The following KIF13B variants were observed in gnomAD, a reference collection of about 807,000 sequenced individuals.
KIF13B encodes kinesin family member 13B, also known as kinesin-like protein KIF13B.
Under a neutral mutation model 222.0 loss-of-function variants are expected in KIF13B, and 127 were observed. The observed-to-expected ratio is 0.57, with a 90% CI of 0.50 to 0.66. The LOEUF is 0.66. Among genes scored for constraint, KIF13B ranks in the 30% least tolerant of loss-of-function variants. The pLI is 0.00. For synonymous variants in KIF13B, 976 were observed against 919.0 expected (o/e 1.06, Z -1.12); for missense variants, 2,173 against 2,379.0 (o/e 0.91, Z 1.80).
chr8:29,232,055 G>C (rs1815309099), intron 2 of KIF13B, among the ~76,000 whole-genome samples: 1 of 152,140 alleles, frequency 6.6e-6, no homozygotes, highest in Non-Finnish European at 1.5e-5. Flanking sequence ...AGGAGTGTGA[G>C]ACTAGCCTGG....
chr8:29,091,114 G>C (rs1808280690), intron 37 of KIF13B, among the ~76,000 whole-genome samples: 1 of 152,162 alleles, frequency 6.6e-6, no homozygotes, highest in Non-Finnish European at 1.5e-5. Flanking sequence ...TGAACAGACT[G>C]GAGTAAATGA....
chr8:29,168,597 G>A (rs1002866546), intron 10 of KIF13B, among the ~76,000 whole-genome samples: 7 of 152,292 alleles, frequency 4.6e-5, no homozygotes, highest in East Asian at 1.9e-4. Context: ...ACGGGCTGCC[G>A]TGAAGTGAGG....
chr8:29,255,585 G>T (rs571518947), intron 1 of KIF13B, among the ~76,000 whole-genome samples: 51 of 151,202 alleles, frequency 3.4e-4, no homozygotes, highest in African/African-American at 1.1e-3. Flanking sequence ...TTTAAAAAAA[G>T]GTACCTACCC....
In KIF13B at chr8:29,070,819, C is replaced by G; in HGVS notation, c.5219-53G>C. On this transcript the variant is annotated intron_variant, in intron 39 of 39. Coordinates refer to ENST00000524189, the MANE Select transcript of KIF13B (RefSeq NM_015254.4). This position sits in a 1 kb window ranked among gnomAD's most constrained non-coding sequence, Gnocchi z 4.1. The stretch of plus-strand genomic sequence containing the variant: ...AGGGCAGCCGAGCTGCAGACGGCCC[C>G]CTGCACCTCCCTTACCTCTGCAGAG... The G allele has an allele frequency of 6.5e-7, 1 of 1,549,880 alleles. No homozygotes were observed. The highest frequency in any genetic ancestry group is 8.7e-7 in the Non-Finnish European group (1 of 1,144,548).
chr8:29,167,737 G>T (rs1812068995), intron 10 of KIF13B, among the ~76,000 whole-genome samples, 152 bp from the exon 11 acceptor site: 1 of 152,226 alleles, frequency 6.6e-6, no homozygotes, highest in Non-Finnish European at 1.5e-5. Flanking sequence ...ATGGACTCGA[G>T]TCCTGTGCTG....
intron 35 of KIF13B, among the ~76,000 whole-genome samples, chr8:29,102,211 C>T (rs1808821431): frequency 6.6e-6 from 1 of 152,134 alleles, no homozygotes; most frequent in Non-Finnish European, 1.5e-5. Flanking sequence ...CTCAATAGCT[C>T]AGGTCTAAAC....
rs1445681991 is a variant in KIF13B, at chr8:29,108,165, G to A, written c.4189C>T (p.Pro1397Ser). 1 of 1,612,304 alleles carries A rather than the reference G, an allele frequency of 6.2e-7. No individual in the cohort carries two copies. The highest frequency in any genetic ancestry group is 1.1e-5 in the South Asian group (1 of 90,520). The change falls in exon 35 of 40, where the codon CCA (proline) becomes TCA (serine). Residue 1397 changes from proline (P) to serine (S), a missense_variant. Physicochemically the swap from Pro to Ser is moderately conservative, Grantham distance 74. Transcript: ENST00000524189. ...RLSGSRQDLI[P>S]SYSLGSNKGR... is the part of the protein sequence containing the mutation. ...TTGTTGCTGCCTAGACTGTATGATG[G>A]AATGAGATCTTGTCGGCTTCCAGAC... is the stretch of plus-strand genomic sequence containing the variant.
intron 35 of KIF13B, 52 bp from the exon 36 acceptor site, chr8:29,099,293 C>CAA: frequency 1.6e-6 from 2 of 1,245,564 alleles, no homozygotes; most frequent in Non-Finnish European, 2.3e-6. Flanking sequence ...ATTAACCAAA[C>CAA]AAAAAAAAAT....
chr8:29,176,299 C>T (rs565916013), intron 9 of KIF13B, 120 bp from the exon 10 acceptor site: 2 of 634,820 alleles, frequency 3.2e-6, no homozygotes, highest in South Asian at 1.9e-5. Flanking sequence ...ACCCTGTCAG[C>T]ATTTTGCCGC....
chr8:29,236,821 T>A (rs2130612743), intron 2 of KIF13B, among the ~76,000 whole-genome samples: 1 of 152,286 alleles, frequency 6.6e-6, no homozygotes, highest in South Asian at 2.1e-4. Context: ...AAATGTACAA[T>A]TCTCAAAATT....
intron 2 of KIF13B, among the ~76,000 whole-genome samples, chr8:29,207,020 C>G (rs1442879408): frequency 6.6e-6 from 1 of 152,148 alleles, no homozygotes; most frequent in African/African-American, 2.4e-5. Context: ...TAGCTGTGCT[C>G]TCACCCAAGC....
At chr8:29,145,624 C>A (rs1025024093) in intron 18 of KIF13B, among the ~76,000 whole-genome samples, 1 of 151,926 alleles carries the variant, frequency 6.6e-6, no homozygotes, top group Non-Finnish European at 1.5e-5. Context: ...GAGTAAGACT[C>A]CCTCTCAAAC....
intron 1 of KIF13B, among the ~76,000 whole-genome samples, chr8:29,255,553 A>AT (rs1239254540): frequency 6.6e-6 from 1 of 151,880 alleles, no homozygotes; most frequent in Non-Finnish European, 1.5e-5. Context: ...CAAGGTTCAA[A>AT]TATCTCCCCA....
intron 2 of KIF13B, among the ~76,000 whole-genome samples, chr8:29,224,768 G>C (rs75609241): frequency 6.6e-6 from 1 of 152,010 alleles, no homozygotes; most frequent in South Asian, 2.1e-4. Context: ...GTGTGTACGC[G>C]TAATTAGGAT....
intron 10 of KIF13B, among the ~76,000 whole-genome samples, chr8:29,168,996 T>C (rs1301835125): frequency 2.0e-5 from 3 of 152,204 alleles, no homozygotes; most frequent in Admixed American, 6.5e-5. Flanking sequence ...TGTCACTGAA[T>C]GACAGACTCT....
At chr8:29,159,848 T>G (rs1182348128) in intron 13 of KIF13B, among the ~76,000 whole-genome samples, 1 of 152,368 alleles carries the variant, frequency 6.6e-6, no homozygotes, top group Non-Finnish European at 1.5e-5. Context: ...ACAGAGTCAC[T>G]GACCCAGGAT....
rs1385655351 is a variant in KIF13B, at chr8:29,177,595, T to C, written c.721-17A>G. On this transcript the variant is annotated splice_polypyrimidine_tract_variant and intron_variant, in intron 8 of 39. Coordinates refer to ENST00000524189, the MANE Select transcript of KIF13B (RefSeq NM_015254.4). ...TCCAGATGTCTACAAAGGAAATCAA[T>C]CAATACTAATCAACAGGAACACAGG... The C allele has an allele frequency of 6.6e-7, 1 of 1,510,066 alleles. No homozygotes were observed. Among genetic ancestry groups the C allele is most frequent in the Admixed American group, 1.7e-5 (1 of 59,902 alleles). The allele number at this position is 1,510,066 out of a possible 1,614,324, so 93.5% of individuals were successfully genotyped here. A position where few individuals can be genotyped will look rare whatever the true frequency, so the allele number is the denominator to read the frequency against.
chr8:29,095,700 G>A (rs1286515642), intron 36 of KIF13B, among the ~76,000 whole-genome samples: 1 of 152,188 alleles, frequency 6.6e-6, no homozygotes, highest in Non-Finnish European at 1.5e-5. Flanking sequence ...CCGGGAGGCA[G>A]AGGTTGTGGT....
At chr8:29,203,594 C>A (rs1469872757) in intron 2 of KIF13B, among the ~76,000 whole-genome samples, 4 of 152,148 alleles carry the variant, frequency 2.6e-5, no homozygotes, top group Admixed American at 2.6e-4. Flanking sequence ...AAACACACGA[C>A]ATTAAGACAG....
Sources: gnomAD v4.1 joint callset for allele counts (sites outside exome capture counted in the v4.1 genomes callset) on GRCh38, gnomAD v4.1.1 for gene constraint, Gnocchi (gnomAD v3.1) non-coding constraint, MANE v1.5 for transcripts, NCBI Gene and HGNC (gene_info 2026-07-23, HGNC 2026-07-21) for gene names.